The following ZNF385D variants were observed in gnomAD, a reference collection of about 807,000 sequenced individuals.
The protein encoded by ZNF385D is zinc finger protein 659.
ZNF385D carries 15 observed loss-of-function variants against 35.8 expected under a neutral mutation model. The observed-to-expected ratio is 0.42, with a 90% confidence interval of 0.28 to 0.64. The LOEUF (loss-of-function observed/expected upper bound fraction) is 0.64. Ranked by LOEUF, ZNF385D falls within the 30% of genes least tolerant of loss-of-function variation. The pLI is 0.23. For synonymous variants in ZNF385D, 212 were observed against 186.8 expected (o/e 1.13, Z -1.10); for missense variants, 474 against 494.6 (o/e 0.96, Z 0.39).
chr3:22,245,947 T>C (rs542728376), intron 2 of ZNF385D, among the ~76,000 whole-genome samples: 2 of 152,230 alleles, frequency 1.3e-5, no homozygotes, highest in African/African-American at 4.8e-5. Flanking sequence ...CATGGCTTAA[T>C]CTGAGCTCCT....
intron 2 of ZNF385D, among the ~76,000 whole-genome samples, chr3:22,302,030 T>C (rs1351396989): frequency 6.6e-6 from 1 of 152,102 alleles, no homozygotes; most frequent in Non-Finnish European, 1.5e-5. Flanking sequence ...GACATTTATA[T>C]TGTTTCCATG....
chr3:22,041,416 C>T (rs1698656097), intron 3 of ZNF385D, among the ~76,000 whole-genome samples: 1 of 152,056 alleles, frequency 6.6e-6, no homozygotes, highest in Non-Finnish European at 1.5e-5. Flanking sequence ...GAAAATCAGT[C>T]AGAAATCATT....
intron 2 of ZNF385D, among the ~76,000 whole-genome samples, chr3:22,213,003 A>G (rs1216647402): frequency 6.6e-6 from 1 of 152,064 alleles, no homozygotes; most frequent in East Asian, 1.9e-4. Flanking sequence ...GGTGGTGAAT[A>G]AGATACTATT....
rs150377116 is a variant in ZNF385D, at chr3:21,596,593, G to A, written c.166-31909C>T. Among the ~76,000 whole-genome samples, 672 of 150,148 alleles carry A rather than the reference G, an allele frequency of 4.5e-3. 4 individuals are homozygous for A. Among genetic ancestry groups the A allele is most frequent in the African/African-American group, 0.015 (603 of 40,984 alleles). Reference sequence around the variant, plus strand: ...TGCAGTGGACTCAAGCAATCCTCCTGCCTCAGCCTACTGGCCAGCTGAGAC... The same window carrying A: ...TGCAGTGGACTCAAGCAATCCTCCTACCTCAGCCTACTGGCCAGCTGAGAC... On this transcript the variant is annotated intron_variant, in intron 2 of 7. Transcript: ENST00000281523.
chr3:22,248,903 C>G (rs535678636), intron 2 of ZNF385D, among the ~76,000 whole-genome samples: 1 of 152,138 alleles, frequency 6.6e-6, no homozygotes, highest in South Asian at 2.1e-4. Context: ...TTCTTGAATA[C>G]TCCCTTCTCA....
intron 2 of ZNF385D, among the ~76,000 whole-genome samples, chr3:22,246,514 C>A (rs1699790819): frequency 1.3e-5 from 2 of 152,244 alleles, no homozygotes; most frequent in South Asian, 4.1e-4. Context: ...CCTTCTGATG[C>A]ACTTCAAAGA....
At position 21,465,882 on chromosome 3, in the gene ZNF385D, A is replaced by G. The variant is rs1575196584; in HGVS notation, c.440-28679T>C. On this transcript the variant is annotated intron_variant, in intron 4 of 7. Coordinates refer to ENST00000281523, the MANE Select transcript of ZNF385D (RefSeq NM_024697.3). This position sits in a 1 kb window ranked among gnomAD's most constrained non-coding sequence, Gnocchi z 4.2. Reference sequence around the variant, plus strand: ...CTACACAACACTCATTCTCCATCACACCTCAGGATACAGGAGCTGCCGTGA... The same window carrying G: ...CTACACAACACTCATTCTCCATCACGCCTCAGGATACAGGAGCTGCCGTGA... Among the ~76,000 whole-genome samples, 1 of 152,038 alleles carries G rather than the reference A, an allele frequency of 6.6e-6. No homozygotes were observed. The highest frequency in any genetic ancestry group is 2.4e-5 in the African/African-American group (1 of 41,390).
chr3:21,613,044 A>G (rs2064735294), intron 2 of ZNF385D, among the ~76,000 whole-genome samples: 1 of 149,502 alleles, frequency 6.7e-6, no homozygotes, highest in Non-Finnish European at 1.5e-5. Context: ...CTCTAAATTC[A>G]GTGCTAGGCT....
intron 4 of ZNF385D, among the ~76,000 whole-genome samples, chr3:21,475,586 C>T (rs746662140): frequency 6.4e-4 from 98 of 152,006 alleles, no homozygotes; most frequent in Non-Finnish European, 1.2e-3. Context: ...AAAGATCCTC[C>T]GGATTCCAAT....
chr3:22,290,035 C>G (rs1050628909), intron 2 of ZNF385D, among the ~76,000 whole-genome samples: 6 of 152,134 alleles, frequency 3.9e-5, no homozygotes, highest in Admixed American at 6.5e-5. Context: ...AGAGAAGTCC[C>G]TGGAAGTGTG....
At chr3:21,443,274 T>G (rs1701959699) in intron 4 of ZNF385D, 2 of 985,350 alleles carry the variant, frequency 2.0e-6, no homozygotes, top group Non-Finnish European at 2.4e-6. Context: ...TCAAGGATGA[T>G]TCAGGTGAGG....
chr3:22,337,431 G>A (rs1695223519), intron 2 of ZNF385D, among the ~76,000 whole-genome samples: 1 of 152,150 alleles, frequency 6.6e-6, no homozygotes, highest in Non-Finnish European at 1.5e-5. Flanking sequence ...CTACTCAAGA[G>A]GCAGAGGAGG....
intron 2 of ZNF385D, among the ~76,000 whole-genome samples, chr3:22,352,251 CT>C (rs778943924): frequency 7.9e-5 from 12 of 152,160 alleles, no homozygotes; most frequent in Non-Finnish European, 7.4e-5. Context: ...GCCTAAAAAT[CT>C]TTGACAGGAT....
At chr3:22,234,649 T>C (rs553518662) in intron 2 of ZNF385D, among the ~76,000 whole-genome samples, 2 of 152,092 alleles carry the variant, frequency 1.3e-5, no homozygotes, top group South Asian at 2.1e-4. Flanking sequence ...TTAAGGGATA[T>C]ATTCCCTTTG....
At chr3:21,795,991 T>C (rs150783728) in intron 3 of ZNF385D, among the ~76,000 whole-genome samples, 3 of 152,342 alleles carry the variant, frequency 2.0e-5, no homozygotes, top group Non-Finnish European at 4.4e-5. Context: ...AGGGTAATTT[T>C]CTCAAATAGA....
intron 2 of ZNF385D, among the ~76,000 whole-genome samples, chr3:21,661,605 C>G (rs2066239720): frequency 6.6e-6 from 1 of 152,156 alleles, no homozygotes; most frequent in Non-Finnish European, 1.5e-5. Context: ...ACTCTAATGT[C>G]TTAAGAGATT....
intron 2 of ZNF385D, among the ~76,000 whole-genome samples, chr3:22,341,409 A>G (rs891140308): frequency 1.3e-5 from 2 of 152,174 alleles, no homozygotes; most frequent in South Asian, 4.1e-4. Flanking sequence ...CATAGGGCCC[A>G]GAATGCCTAA....
chr3:21,882,533 A>G (rs545273954), intron 3 of ZNF385D, among the ~76,000 whole-genome samples: 173 of 152,086 alleles, frequency 1.1e-3, no homozygotes, highest in African/African-American at 3.1e-3. Context: ...GACTCTCTTT[A>G]TTGTGATATT....
At chr3:21,604,606 A>G (rs371668849) in intron 2 of ZNF385D, among the ~76,000 whole-genome samples, 18 of 152,328 alleles carry the variant, frequency 1.2e-4, no homozygotes, top group East Asian at 1.9e-4. Flanking sequence ...ATGGTTCCCA[A>G]TGTGAAATTT....
Sources: gnomAD v4.1 joint callset for allele counts (sites outside exome capture counted in the v4.1 genomes callset) on GRCh38, gnomAD v4.1.1 for gene constraint, Gnocchi (gnomAD v3.1) non-coding constraint, MANE v1.5 for transcripts, NCBI Gene and HGNC (gene_info 2026-07-23, HGNC 2026-07-21) for gene names.